CDH23: variants seen among roughly 807,000 people sequenced by gnomAD.
The protein encoded by CDH23 is cadherin related 23.
Under a neutral mutation model 317.1 loss-of-function variants are expected in CDH23, and 189 were observed. The observed-to-expected ratio is 0.60, with a 90% CI of 0.53 to 0.67. The LOEUF (loss-of-function observed/expected upper bound fraction) is 0.67, where lower values mean the gene tolerates loss of function less well. Among genes scored for constraint, CDH23 ranks in the 30% least tolerant of loss-of-function variants. The probability of loss-of-function intolerance (pLI) is 0.00; values close to 1 mark genes in which losing one functional copy is unlikely to be tolerated. For synonymous variants in CDH23, 1,839 were observed against 1,876.8 expected (o/e 0.98, Z 0.52); for missense variants, 4,401 against 4,592.4 (o/e 0.96, Z 1.20).
intron 38 of CDH23, among the ~76,000 whole-genome samples, chr10:71,770,216 A>G (rs934653310): frequency 2.0e-5 from 3 of 152,246 alleles, no homozygotes; most frequent in African/African-American, 7.2e-5. Flanking sequence ...AATATTACAC[A>G]GTATTCACGA....
intron 55 of CDH23, among the ~76,000 whole-genome samples, chr10:71,804,383 G>T (rs1480883544): frequency 6.6e-6 from 1 of 152,190 alleles, no homozygotes; most frequent in Non-Finnish European, 1.5e-5. Context: ...GTATTCCTTT[G>T]TCTTCTGCTC....
At chr10:71,557,254 T>C (rs1856917154) in intron 6 of CDH23, among the ~76,000 whole-genome samples, 1 of 152,244 alleles carries the variant, frequency 6.6e-6, no homozygotes, top group African/African-American at 2.4e-5. Flanking sequence ...CTTCTTTTTT[T>C]GTTTGTTTCT....
At position 71,815,480 on chromosome 10, in the gene CDH23, A is replaced by G. The variant is rs1390657492; in HGVS notation, c.*202A>G. 2.1e-6 allele frequency: 1 copy of G among 481,936 alleles called. No homozygotes were observed. The highest frequency in any genetic ancestry group is 4.6e-5 in the South Asian group (1 of 21,654). 29.9% of individuals were successfully genotyped at this position (481,936 alleles called of 1,614,324 possible). ...CATTCAGCATCTGACCTCTACCTTC[A>G]TAAGATCTGTTATTTTTATAAGAAA... On this transcript the variant is annotated 3_prime_UTR_variant, in exon 70 of 70. Coordinates refer to ENST00000224721, the MANE Select transcript of CDH23 (RefSeq NM_022124.6).
chr10:71,442,962 G>A (rs1363394117), intron 2 of CDH23, among the ~76,000 whole-genome samples: 3 of 152,214 alleles, frequency 2.0e-5, no homozygotes, highest in South Asian at 2.1e-4. Context: ...GGCGGAGGGC[G>A]AGGCAGAGGG....
At chr10:71,535,302 T>C (rs1855635086) in intron 6 of CDH23, among the ~76,000 whole-genome samples, 3 of 152,184 alleles carry the variant, frequency 2.0e-5, no homozygotes, top group Admixed American at 2.0e-4. Flanking sequence ...CAGGTCTCCA[T>C]GTTCTACCGG....
intron 40 of CDH23, 131 bp from the exon 41 acceptor site, chr10:71,779,136 G>A (rs565571615): frequency 6.1e-5 from 50 of 821,290 alleles, no homozygotes; most frequent in South Asian, 3.0e-4. Flanking sequence ...ACCCATATCC[G>A]ACTTCCCATA....
At chr10:71,586,961 A>T (rs2132431882) in intron 9 of CDH23, among the ~76,000 whole-genome samples, 2 of 152,108 alleles carry the variant, frequency 1.3e-5, no homozygotes, top group East Asian at 1.9e-4. Context: ...TTCCCTGTTG[A>T]TGGGTTGATT....
chr10:71,760,704 A>G, intron 38 of CDH23: 1 of 673,510 alleles, frequency 1.5e-6, no homozygotes, highest in Non-Finnish European at 2.7e-6. Flanking sequence ...TGGGGATTGC[A>G]CCAAGGAGGA....
rs1457097872 is a variant in CDH23 at position 71,532,731 on chromosome 10, T to G, written c.429+21519T>G. Among the ~76,000 whole-genome samples, 131 of 61,988 alleles carry G rather than the reference T, an allele frequency of 2.1e-3. 1 individual carries two copies. The highest frequency in any genetic ancestry group is 4.2e-3 in the East Asian group (3 of 708). 40.7% of individuals were successfully genotyped at this position (61,988 alleles called of 152,430 possible). A position where few individuals can be genotyped will look rare whatever the true frequency, so the allele number is the denominator to read the frequency against. On this transcript the variant is annotated intron_variant, in intron 6 of 69. Coordinates refer to ENST00000224721, the MANE Select transcript of CDH23 (RefSeq NM_022124.6). Reference sequence around the variant, plus strand: ...TTTTTGTTTTTTTTTTTTTTTGTTTTTTTTTTTTTTTTTTTTGAGACGGAG... The same window carrying G: ...TTTTTGTTTTTTTTTTTTTTTGTTTGTTTTTTTTTTTTTTTTGAGACGGAG...
intron 30 of CDH23, among the ~76,000 whole-genome samples, chr10:71,730,019 A>G (rs950293233): frequency 5.9e-4 from 90 of 151,970 alleles, no homozygotes; most frequent in Non-Finnish European, 1.0e-3. Context: ...TATTTTTAGT[A>G]GAGATGGGGT....
At chr10:71,796,429 C>A (rs991605646) in intron 48 of CDH23, among the ~76,000 whole-genome samples, 1 of 152,136 alleles carries the variant, frequency 6.6e-6, no homozygotes, top group Non-Finnish European at 1.5e-5. Flanking sequence ...TGCTCCTGTC[C>A]CACAATCAGC....
chr10:71,526,037 C>G (rs993973574), intron 6 of CDH23, among the ~76,000 whole-genome samples: 4 of 152,250 alleles, frequency 2.6e-5, no homozygotes, highest in Admixed American at 6.5e-5. Flanking sequence ...CAACAGGATG[C>G]AAGACCCAGT....
chr10:71,478,080 T>C (rs537420043), intron 3 of CDH23, among the ~76,000 whole-genome samples: 7 of 152,204 alleles, frequency 4.6e-5, no homozygotes, highest in Admixed American at 2.0e-4. Flanking sequence ...TCTCCTTGCT[T>C]TCAGTGTCTG....
At chr10:71,767,433 T>C (rs554432257) in intron 38 of CDH23, among the ~76,000 whole-genome samples, 1 of 152,210 alleles carries the variant, frequency 6.6e-6, no homozygotes, top group Non-Finnish European at 1.5e-5. Flanking sequence ...TAAACAGTTA[T>C]TAATTGCCTG....
At chr10:71,724,152 G>C in intron 29 of CDH23, 47 bp downstream of exon 29, 1 of 1,542,652 alleles carries the variant, frequency 6.5e-7, no homozygotes, top group Non-Finnish European at 8.8e-7. Flanking sequence ...CTGCCCAGGG[G>C]AGGGCAGAGC....
intron 6 of CDH23, among the ~76,000 whole-genome samples, chr10:71,517,048 C>T (rs1854371932): frequency 6.6e-6 from 1 of 152,208 alleles, no homozygotes; most frequent in African/African-American, 2.4e-5. Flanking sequence ...GGACTGTGCT[C>T]AGTGTCTTTT....
chr10:71,627,118 G>A (rs1169021984), intron 11 of CDH23, among the ~76,000 whole-genome samples: 1 of 152,192 alleles, frequency 6.6e-6, no homozygotes, highest in African/African-American at 2.4e-5. Context: ...GCCCCGGTGA[G>A]CACCTCTCCG....
rs201053044 is a variant in CDH23 at position 71,706,965 on chromosome 10, G to A, written c.3022G>A (p.Val1008Met). The stretch of plus-strand genomic sequence containing the variant: ...GTACAATGTGTCTGTGTCCGAGGAC[G>A]TGCCACGCGAGTTCCGGGTGGTCTG... ...AVYNVSVSED[V>M]PREFRVVWLN... Residue 1008 changes from valine to methionine, a missense_variant, in exon 26 of 70, where the codon GTG becomes ATG. By Grantham distance (21) the Val-to-Met change is conservative. This residue lies in a region of CDH23 where 3,068 missense variants were observed against 3,203.3 expected (regional missense o/e 0.96). Coordinates refer to ENST00000224721, the MANE Select transcript of CDH23 (RefSeq NM_022124.6). The A allele has an allele frequency of 2.7e-4, 427 of 1,607,324 alleles. No homozygotes were observed. Among genetic ancestry groups the A allele is most frequent in the African/African-American group, 4.5e-4 (34 of 74,912 alleles).
At position 71,766,094 on chromosome 10, in the gene CDH23, A is replaced by ATGCC. The variant is rs1291082106; in HGVS notation, c.4846-11583_4846-11580dup. Among the ~76,000 whole-genome samples the ATGCC allele has an allele frequency of 5.3e-5, 8 of 152,348 alleles. No individual in the cohort carries two copies. The East Asian group carries it at 1.5e-3, about 29-fold the overall frequency. On this transcript the variant is annotated intron_variant, in intron 38 of 69. Coordinates refer to ENST00000224721, the MANE Select transcript of CDH23 (RefSeq NM_022124.6). ...CCCCGCGGACTCCACATCTGTGCAC[A>ATGCC]TGCCTGTGTGTTGTCAGGGAAGCTG...
Sources: gnomAD v4.1 joint callset for allele counts (sites outside exome capture counted in the v4.1 genomes callset) on GRCh38, gnomAD v4.1.1 for gene constraint, gnomAD v4.1.1 regional missense constraint, MANE v1.5 for transcripts, NCBI Gene and HGNC (gene_info 2026-07-23, HGNC 2026-07-21) for gene names.